RTL4: variants seen among roughly 807,000 people sequenced by gnomAD.
The protein encoded by RTL4 is retrotransposon Gag like 4.
In RTL4, 4 loss-of-function variants were observed where a neutral mutation model predicts 5.3. That is an observed-to-expected ratio of 0.75 (90% CI 0.37 to 1.72). RTL4 has a LOEUF of 1.72. RTL4 is among the 40% of genes most tolerant of loss of function. The pLI, the probability that RTL4 is intolerant of heterozygous loss-of-function variation, is 0.04. For missense variants in RTL4, 260 were observed against 227.1 expected (o/e 1.14, Z -0.93); for synonymous variants, 98 against 87.3 (o/e 1.12, Z -0.68).
chrX:112,231,254 G>A, the RTL4 span, among the ~76,000 whole-genome samples: 2 of 109,355 alleles, frequency 1.8e-5, no homozygotes, highest in East Asian at 2.9e-4. Context: ...AAATCATGCT[G>A]CTATAAAGAC....
At chrX:112,258,007 G>C in the RTL4 span, among the ~76,000 whole-genome samples, 1 of 108,267 alleles carries the variant, frequency 9.2e-6, no homozygotes, top group African/African-American at 3.4e-5. Context: ...GGTTGTTTTT[G>C]TAATTTGGTT....
chrX:112,157,064 TTGTGTGTGTGTGTG>T, the RTL4 span, among the ~76,000 whole-genome samples: 2 of 96,579 alleles, frequency 2.1e-5, no homozygotes, highest in African/African-American at 3.8e-5. Context: ...GTTATACTGT[TTGTGTGTGTGTGTG>T]TGTGTGTGTG....
the RTL4 span, among the ~76,000 whole-genome samples, chrX:112,437,320 CA>C: frequency 8.9e-6 from 1 of 111,841 alleles, no homozygotes; most frequent in Non-Finnish European, 1.9e-5. Context: ...CTTAGCTAGA[CA>C]AGAAGAATAA....
chrX:112,329,010 T>C, the RTL4 span, among the ~76,000 whole-genome samples: 1 of 111,169 alleles, frequency 9.0e-6, no homozygotes, highest in Non-Finnish European at 1.9e-5. Context: ...TTCAAAGCAG[T>C]GTGTAGAGGA....
At chrX:112,275,662 G>A in the RTL4 span, among the ~76,000 whole-genome samples, 2 of 111,839 alleles carry the variant, frequency 1.8e-5, no homozygotes, top group African/African-American at 3.3e-5. Flanking sequence ...CTGGCCTGAC[G>A]TGGTGGCTCA....
chrX:112,273,542 G>A, the RTL4 span, among the ~76,000 whole-genome samples: 5 of 111,756 alleles, frequency 4.5e-5, no homozygotes, highest in East Asian at 1.4e-3. Context: ...GTGAGCTACC[G>A]CGCCCAACCA....
chrX:112,385,810 A>C, the RTL4 span, among the ~76,000 whole-genome samples: 1 of 112,156 alleles, frequency 8.9e-6, no homozygotes, highest in African/African-American at 3.2e-5. Context: ...TGGCAAAAAA[A>C]AATTTTGCTC....
chrX:112,099,013 C>T, the RTL4 span, among the ~76,000 whole-genome samples: 70 of 112,032 alleles, frequency 6.2e-4, 1 homozygote, highest in African/African-American at 2.0e-3. Context: ...GCAATGGCAA[C>T]AAAAGCCAAA....
the RTL4 span, among the ~76,000 whole-genome samples, chrX:112,403,398 G>A: frequency 8.0e-5 from 9 of 111,853 alleles, no homozygotes; most frequent in Non-Finnish European, 1.7e-4. Context: ...TTTCACAGAT[G>A]CTTCATTAGT....
At chrX:112,115,633 C>A in the RTL4 span, among the ~76,000 whole-genome samples, 2 of 111,659 alleles carry the variant, frequency 1.8e-5, no homozygotes, top group African/African-American at 3.3e-5. Context: ...CAGATAGTAA[C>A]CCTGCCCCCA....
the RTL4 span, among the ~76,000 whole-genome samples, chrX:112,418,578 C>G: frequency 9.0e-6 from 1 of 110,864 alleles, no homozygotes; most frequent in Non-Finnish European, 1.9e-5. Context: ...CAGAAGAGAC[C>G]TAACAAAACT....
chrX:112,117,076 C>T, the RTL4 span, among the ~76,000 whole-genome samples: 2 of 110,700 alleles, frequency 1.8e-5, no homozygotes, highest in African/African-American at 6.6e-5. Context: ...CTAAGTGTTA[C>T]AAAAAGCATA....
the RTL4 span, among the ~76,000 whole-genome samples, chrX:112,340,852 G>A: frequency 9.0e-6 from 1 of 110,681 alleles, no homozygotes; most frequent in African/African-American, 3.3e-5. Flanking sequence ...GAGTAGCTGG[G>A]ACTATAGGTA....
At chrX:112,169,494 T>C in the RTL4 span, among the ~76,000 whole-genome samples, 1 of 111,246 alleles carries the variant, frequency 9.0e-6, no homozygotes, top group South Asian at 3.8e-4. Flanking sequence ...AACTGCCATG[T>C]TGGTATGAGT....
the RTL4 span, among the ~76,000 whole-genome samples, chrX:112,242,892 C>T: frequency 2.7e-5 from 3 of 111,567 alleles, no homozygotes; most frequent in African/African-American, 9.8e-5. Context: ...TGAGAGTTTT[C>T]AACATGAAGG....
At chrX:112,392,399 G>T in the RTL4 span, among the ~76,000 whole-genome samples, 45 of 111,780 alleles carry the variant, frequency 4.0e-4, no homozygotes, top group African/African-American at 1.3e-3. Context: ...GTAACTGGAG[G>T]TATCAATAGT....
the RTL4 span, among the ~76,000 whole-genome samples, chrX:112,134,219 A>G: frequency 2.7e-5 from 3 of 111,893 alleles, no homozygotes; most frequent in Non-Finnish European, 5.7e-5. Context: ...CCTCTACAAC[A>G]CCAGATTCCC....
chrX:112,313,514 T>C, the RTL4 span, among the ~76,000 whole-genome samples: 1 of 111,216 alleles, frequency 9.0e-6, no homozygotes, highest in Non-Finnish European at 1.9e-5. Context: ...TTTTGACTAA[T>C]ATCACTCAGA....
At chrX:112,387,357 CTT>C in the RTL4 span, among the ~76,000 whole-genome samples, 6 of 94,608 alleles carry the variant, frequency 6.3e-5, no homozygotes, top group Admixed American at 1.2e-4. Flanking sequence ...ACCTATTTAT[CTT>C]TTTTTTTTTT....
Sources: allele counts gnomAD v4.1 joint callset (sites outside exome capture counted in the v4.1 genomes callset), GRCh38; gene constraint gnomAD v4.1.1; transcripts MANE v1.5; gene names NCBI Gene and HGNC (gene_info 2026-07-23, HGNC 2026-07-21).